The following MYO3A variants were observed in gnomAD, a reference collection of about 807,000 sequenced individuals.
MYO3A encodes the protein myosin-IIIa.
Under a neutral mutation model 192.7 loss-of-function variants are expected in MYO3A, and 180 were observed. That is an observed-to-expected ratio of 0.93 (90% CI 0.83 to 1.06). The LOEUF (loss-of-function observed/expected upper bound fraction) is 1.06. Among genes scored for constraint, MYO3A ranks in the 50% least tolerant of loss-of-function variants. MYO3A has a pLI of 0.00. For missense variants in MYO3A, 1,896 were observed against 1,905.0 expected, an observed-to-expected ratio of 1.00 and a Z score of 0.09; for synonymous variants, 628 against 645.3, an observed-to-expected ratio of 0.97 and a Z score of 0.41.
intron 10 of MYO3A, among the ~76,000 whole-genome samples, chr10:26,044,607 T>C (rs1442548950): frequency 6.6e-6 from 1 of 152,194 alleles, no homozygotes; most frequent in Non-Finnish European, 1.5e-5. Flanking sequence ...ATGGTCTCTG[T>C]ATATAACTAA....
In MYO3A at chr10:25,972,358, A is replaced by G. The variant is rs552245908; in HGVS notation, c.303+17350A>G. ...CATCAAACCTTTCTTTGCTACTGTA[A>G]GGATGATTTCCTCTAGTTCTTTAAA... On this transcript the variant is annotated intron_variant, in intron 4 of 34. Transcript: ENST00000642920. Among the ~76,000 whole-genome samples, 3 of 152,180 alleles carry G rather than the reference A, an allele frequency of 2.0e-5. No individual in the cohort carries two copies. The East Asian group carries it at 5.8e-4, about 29-fold the overall frequency.
chr10:26,081,311 T>C (rs1835943751), intron 14 of MYO3A, among the ~76,000 whole-genome samples: 1 of 151,946 alleles, frequency 6.6e-6, no homozygotes, highest in South Asian at 2.1e-4. Context: ...TATTGCTGCT[T>C]CTGCTGAGTC....
At chr10:26,160,335 G>A (rs545124532) in intron 26 of MYO3A, among the ~76,000 whole-genome samples, 1 of 152,314 alleles carries the variant, frequency 6.6e-6, no homozygotes, top group South Asian at 2.1e-4. Context: ...TATACACAGT[G>A]TAAGAGTTCA....
intron 14 of MYO3A, among the ~76,000 whole-genome samples, chr10:26,083,515 C>T (rs1252065716): frequency 6.6e-6 from 1 of 152,130 alleles, no homozygotes; most frequent in African/African-American, 2.4e-5. Context: ...CTTATTAGTA[C>T]TTCCAGTACT....
chr10:25,997,223 T>G lies in MYO3A; in HGVS notation c.473T>G (p.Leu158Trp). ...GATGTGAAAGGCAATAACATTCTATTGACCACGGAAGGTGGAGTGAAACTA... is the reference window on the plus strand; with the variant it reads ...GATGTGAAAGGCAATAACATTCTATGGACCACGGAAGGTGGAGTGAAACTA... ...HRDVKGNNIL[L>W]TTEGGVKLVD... Residue 158 changes from leucine to tryptophan, a missense_variant, in exon 6 of 35, where the codon TTG (leucine) becomes TGG (tryptophan). Leu to Trp is a moderately conservative substitution (Grantham distance 61). Coordinates refer to ENST00000642920, the MANE Select transcript of MYO3A (RefSeq NM_017433.5). 1.9e-6 allele frequency: 3 copies of G among 1,613,580 alleles called. No individual in the cohort carries two copies. Among genetic ancestry groups the G allele is most frequent in the Non-Finnish European group, 2.5e-6 (3 of 1,179,630 alleles).
At chr10:26,097,383 C>T (rs1588949214) in intron 17 of MYO3A, among the ~76,000 whole-genome samples, 1 of 151,774 alleles carries the variant, frequency 6.6e-6, no homozygotes, top group East Asian at 1.9e-4. Flanking sequence ...AGTTCTTTAA[C>T]GTTTTATTTT....
At chr10:26,152,660 G>A (rs535563237) in intron 23 of MYO3A, among the ~76,000 whole-genome samples, 10 of 152,148 alleles carry the variant, frequency 6.6e-5, no homozygotes, top group African/African-American at 1.2e-4. Context: ...TTTAGTTCCC[G>A]TTGATCTACA....
intron 4 of MYO3A, among the ~76,000 whole-genome samples, chr10:25,976,550 G>T (rs1391544894): frequency 6.6e-6 from 1 of 152,036 alleles, no homozygotes. Context: ...CTTAACAAAG[G>T]CTGTCTTTGG....
At chr10:26,043,908 C>A (rs930810512) in intron 10 of MYO3A, among the ~76,000 whole-genome samples, 1 of 152,178 alleles carries the variant, frequency 6.6e-6, no homozygotes, top group Non-Finnish European at 1.5e-5. Flanking sequence ...GCCATCACAG[C>A]TGGTAATGTG....
At chr10:26,198,004 C>T (rs1843498380) in intron 32 of MYO3A, among the ~76,000 whole-genome samples, 1 of 152,216 alleles carries the variant, frequency 6.6e-6, no homozygotes, top group South Asian at 2.1e-4. Flanking sequence ...CTGCTTACAT[C>T]GTAACTAGAA....
intron 6 of MYO3A, among the ~76,000 whole-genome samples, chr10:26,003,745 T>C (rs185309704): frequency 6.6e-6 from 1 of 152,200 alleles, no homozygotes; most frequent in African/African-American, 2.4e-5. Context: ...AGTTCTTATT[T>C]CTGCGGATTT....
chr10:25,968,609 G>A (rs1448635765), intron 4 of MYO3A, among the ~76,000 whole-genome samples: 2 of 152,190 alleles, frequency 1.3e-5, no homozygotes, highest in African/African-American at 4.8e-5. Flanking sequence ...AAATAGCAAA[G>A]GGACAGAGGA....
chr10:25,990,692 T>C (rs185786691), intron 4 of MYO3A, among the ~76,000 whole-genome samples: 13,254 of 128,766 alleles, frequency 0.1, 1,142 homozygotes, highest in African/African-American at 0.24. Flanking sequence ...CCCTGGTGTG[T>C]GATGTTCCCC....
chr10:26,078,431 A>C (rs756583168), intron 14 of MYO3A, among the ~76,000 whole-genome samples: 1 of 151,146 alleles, frequency 6.6e-6, no homozygotes, highest in Non-Finnish European at 1.5e-5. Context: ...TATCAATTTT[A>C]TTTATCTTTT....
At chr10:26,100,646 G>A (rs374203785) in intron 17 of MYO3A, among the ~76,000 whole-genome samples, 8 of 152,178 alleles carry the variant, frequency 5.3e-5, no homozygotes, top group South Asian at 4.2e-4. Flanking sequence ...CCTTCATTTC[G>A]TTATGTACCC....
intron 7 of MYO3A, 143 bp downstream of exon 7, chr10:26,017,039 T>C (rs1842023102): frequency 1.1e-6 from 1 of 917,240 alleles, no homozygotes; most frequent in South Asian, 1.4e-5. Flanking sequence ...GAATTTTGCA[T>C]GTGTGAGGAG....
At chr10:26,082,972 A>G (rs1836062925) in intron 14 of MYO3A, among the ~76,000 whole-genome samples, 2 of 152,206 alleles carry the variant, frequency 1.3e-5, no homozygotes, top group South Asian at 4.1e-4. Context: ...GGAATATGAT[A>G]TGTGACAGTA....
At chr10:25,947,167 A>G (rs1440401690) in intron 2 of MYO3A, among the ~76,000 whole-genome samples, 1 of 151,804 alleles carries the variant, frequency 6.6e-6, no homozygotes, top group East Asian at 1.9e-4. Context: ...CTTCAAGTTC[A>G]CTGACATTTT....
intron 23 of MYO3A, among the ~76,000 whole-genome samples, chr10:26,152,277 A>G (rs1200884426): frequency 5.9e-5 from 9 of 152,252 alleles, no homozygotes; most frequent in Admixed American, 5.2e-4. Flanking sequence ...TTTGTTATCT[A>G]TTATGTGCTA....
Sources: allele counts gnomAD v4.1 joint callset (sites outside exome capture counted in the v4.1 genomes callset), GRCh38; gene constraint gnomAD v4.1.1; transcripts MANE v1.5; gene names NCBI Gene and HGNC (gene_info 2026-07-23, HGNC 2026-07-21).